The following AAMDC variants were observed in gnomAD, a reference collection of about 807,000 sequenced individuals.
AAMDC encodes mth938 domain-containing protein.
In AAMDC, 16 loss-of-function variants were observed where a neutral mutation model predicts 15.5. That is an observed-to-expected ratio of 1.03 (90% CI 0.70 to 1.57). The LOEUF (loss-of-function observed/expected upper bound fraction) is 1.57, where lower values mean the gene tolerates loss of function less well. AAMDC is among the 40% of genes most tolerant of loss of function. The probability of loss-of-function intolerance (pLI) is 0.00; values close to 1 mark genes in which losing one functional copy is unlikely to be tolerated. For synonymous variants in AAMDC, 51 were observed against 51.6 expected, an observed-to-expected ratio of 0.99 and a Z score of 0.05; for missense variants, 141 against 144.9, an observed-to-expected ratio of 0.97 and a Z score of 0.14.
downstream of AAMDC, among the ~76,000 whole-genome samples, chr11:77,902,728 C>T (rs1329986814): frequency 6.6e-6 from 1 of 152,168 alleles, no homozygotes; most frequent in Non-Finnish European, 1.5e-5. Flanking sequence ...TTTACAGACT[C>T]CCTATCTGGA....
At chr11:77,881,036 A>G (rs1262801137) in intron 5 of AAMDC, among the ~76,000 whole-genome samples, 1 of 152,204 alleles carries the variant, frequency 6.6e-6, no homozygotes, top group African/African-American at 2.4e-5. Flanking sequence ...TCCCTTACCA[A>G]CATTTGATAA....
chr11:77,844,411 A>G (rs1457840405), intron 2 of AAMDC, among the ~76,000 whole-genome samples: 1 of 151,608 alleles, frequency 6.6e-6, no homozygotes, highest in Non-Finnish European at 1.5e-5. Flanking sequence ...CGTCCAGGCT[A>G]GAGTGCAGTG....
At chr11:77,821,870 C>T (rs1345558189) in intron 1 of AAMDC, among the ~76,000 whole-genome samples, 1 of 152,046 alleles carries the variant, frequency 6.6e-6, no homozygotes, top group East Asian at 1.9e-4. Context: ...TGAGTCCTAG[C>T]GGGGCTACTT....
chr11:77,896,208 G>A (rs1200677040), intron 5 of AAMDC, among the ~76,000 whole-genome samples: 2 of 151,582 alleles, frequency 1.3e-5, no homozygotes, highest in African/African-American at 4.8e-5. Context: ...CAGATGACAA[G>A]AAGAGAAACT....
chr11:77,901,577 C>G (rs572709494), downstream of AAMDC: 1 of 1,544,600 alleles, frequency 6.5e-7, no homozygotes, highest in East Asian at 2.2e-5. Flanking sequence ...AATTAACAAT[C>G]AATAAAAATA....
At chr11:77,860,472 C>T (rs1950829513) in intron 2 of AAMDC, among the ~76,000 whole-genome samples, 1 of 152,182 alleles carries the variant, frequency 6.6e-6, no homozygotes, top group South Asian at 2.1e-4. Flanking sequence ...GTGAGCAGAG[C>T]TGAGCGTTTG....
chr11:77,892,629 C>T (rs1952323983), intron 5 of AAMDC, among the ~76,000 whole-genome samples: 1 of 152,134 alleles, frequency 6.6e-6, no homozygotes, highest in African/African-American at 2.4e-5. Flanking sequence ...ATTGCCCGGG[C>T]TGGTGTGCAA....
downstream of AAMDC, chr11:77,876,998 C>A (rs1484655799): frequency 1.4e-6 from 1 of 703,276 alleles, no homozygotes; most frequent in Non-Finnish European, 2.6e-6. Context: ...GGCTGTGGTA[C>A]AATTCCACCT....
chr11:77,859,061 T>C (rs186950843), intron 2 of AAMDC, among the ~76,000 whole-genome samples: 2 of 152,306 alleles, frequency 1.3e-5, no homozygotes, highest in East Asian at 3.9e-4. Context: ...AGTGAAAGGT[T>C]TGGTGAAGGG....
chr11:77,851,346 A>C (rs1950374542), intron 2 of AAMDC: 1 of 152,224 alleles, frequency 6.6e-6, no homozygotes, highest in African/African-American at 2.4e-5. Flanking sequence ...AGAGAATTGT[A>C]CAATTGACCA....
chr11:77,900,635 T>C (rs1238472471), exon 6 of AAMDC: 1 of 700,290 alleles, frequency 1.4e-6, no homozygotes, highest in Non-Finnish European at 2.6e-6. Flanking sequence ...CTTTTTTGTA[T>C]CAAATCTATG....
At chr11:77,868,291 G>A (rs562389117) in intron 2 of AAMDC, among the ~76,000 whole-genome samples, 28 of 150,774 alleles carry the variant, frequency 1.9e-4, no homozygotes, top group African/African-American at 6.6e-4. Flanking sequence ...TCCTGACCTC[G>A]TGATCCACCC....
At chr11:77,830,478 A>C (rs1473799180) in intron 1 of AAMDC, among the ~76,000 whole-genome samples, 21 of 105,524 alleles carry the variant, frequency 2.0e-4, no homozygotes, top group South Asian at 4.0e-4. Flanking sequence ...GACGACACCC[A>C]CCCCCCACCC....
intron 5 of AAMDC, among the ~76,000 whole-genome samples, chr11:77,882,788 A>T (rs1268003342): frequency 6.6e-6 from 1 of 152,174 alleles, no homozygotes; most frequent in Admixed American, 6.5e-5. Flanking sequence ...CCATTAATAA[A>T]GGCCCAGCGC....
downstream of AAMDC, chr11:77,872,428 C>T (rs1590981270): frequency 7.6e-7 from 1 of 1,309,204 alleles, no homozygotes; most frequent in Non-Finnish European, 1.0e-6. Context: ...ATGCCAGGTC[C>T]TGTGCTAGGC....
In AAMDC at chr11:77,860,656, T is replaced by C. The variant is rs539652815; in HGVS notation, c.133-9066T>C. Among the ~76,000 whole-genome samples, 4 of 152,220 alleles carry C rather than the reference T, an allele frequency of 2.6e-5. No homozygotes were observed. In the South Asian group the frequency reaches 8.3e-4, roughly 32 times the overall value. ...TTGGGCTAATGCCTGGCCAAATAGA[T>C]GGGGGCTGTCCCTGAACCCTTGGGG... On this transcript the variant is annotated intron_variant, in intron 2 of 3. Transcript: ENST00000393427.
chr11:77,901,831 A>C (rs913254092), downstream of AAMDC, among the ~76,000 whole-genome samples: 9 of 151,952 alleles, frequency 5.9e-5, no homozygotes, highest in African/African-American at 1.9e-4. Flanking sequence ...AAAGCACTGA[A>C]AGCACTGCTT....
intron 5 of AAMDC, among the ~76,000 whole-genome samples, chr11:77,895,866 G>GA (rs1439463835): frequency 5.9e-5 from 9 of 152,228 alleles, no homozygotes; most frequent in African/African-American, 1.7e-4. Context: ...AGGCCTCTAA[G>GA]AACTCCTACT....
intron 1 of AAMDC, among the ~76,000 whole-genome samples, chr11:77,833,784 C>T (rs1486598530): frequency 2.0e-5 from 3 of 152,134 alleles, no homozygotes; most frequent in Non-Finnish European, 2.9e-5. Context: ...TACAGTTAAT[C>T]GTATATTAAT....
Sources: allele counts gnomAD v4.1 joint callset (sites outside exome capture counted in the v4.1 genomes callset), GRCh38; gene constraint gnomAD v4.1.1; transcripts MANE v1.5; gene names NCBI Gene and HGNC (gene_info 2026-07-23, HGNC 2026-07-21).